Variants in CSMD1 observed in about 807,000 individuals in gnomAD.
The protein encoded by CSMD1 is CUB and sushi domain-containing protein 1.
CSMD1 carries 213 observed loss-of-function variants against 417.5 expected under a neutral mutation model. The observed-to-expected ratio is 0.51, with a 90% CI of 0.46 to 0.57. CSMD1 has a LOEUF of 0.57. Among genes scored for constraint, CSMD1 ranks in the 20% least tolerant of loss-of-function variants. CSMD1 has a pLI of 0.00. For missense variants in CSMD1, 6,923 were observed against 4,529.7 expected (o/e 1.53, Z -15.17); for synonymous variants, 2,862 against 1,736.8 (o/e 1.65, Z -16.11).
At chr8:4,171,532 CT>C (rs1399607751) in intron 3 of CSMD1, among the ~76,000 whole-genome samples, 1 of 151,776 alleles carries the variant, frequency 6.6e-6, no homozygotes, top group Non-Finnish European at 1.5e-5. Context: ...TTAGTTGACA[CT>C]TAACAAATGT....
intron 3 of CSMD1, among the ~76,000 whole-genome samples, chr8:4,092,794 T>G (rs1401121270): frequency 6.6e-6 from 1 of 152,130 alleles, no homozygotes; most frequent in African/African-American, 2.4e-5. Flanking sequence ...ATGAAATCTA[T>G]TTTTTAATAG....
chr8:3,793,415 A>G (rs1488379722), intron 5 of CSMD1, among the ~76,000 whole-genome samples: 3 of 152,034 alleles, frequency 2.0e-5, no homozygotes, highest in African/African-American at 7.2e-5. Flanking sequence ...TACTTTCAAG[A>G]ATGTTGCCAC....
At chr8:4,740,808 T>A (rs1489127305) in intron 1 of CSMD1, among the ~76,000 whole-genome samples, 1 of 152,192 alleles carries the variant, frequency 6.6e-6, no homozygotes, top group South Asian at 2.1e-4. Context: ...AGGTATAGGA[T>A]ATCCTACTGA....
chr8:4,678,281 C>T (rs891932603), intron 1 of CSMD1, among the ~76,000 whole-genome samples: 5 of 151,828 alleles, frequency 3.3e-5, no homozygotes, highest in South Asian at 2.1e-4. Context: ...TGTGGTGGCA[C>T]GCACCTGTAG....
At chr8:4,046,570 G>T (rs1798158137) in intron 3 of CSMD1, among the ~76,000 whole-genome samples, 1 of 152,134 alleles carries the variant, frequency 6.6e-6, no homozygotes, top group Non-Finnish European at 1.5e-5. Context: ...GGGCTTCCAG[G>T]TATTTTTCTT....
intron 6 of CSMD1, among the ~76,000 whole-genome samples, chr8:3,736,973 T>C (rs1017167839): frequency 2.0e-5 from 3 of 152,304 alleles, no homozygotes; most frequent in Middle Eastern, 3.4e-3. Context: ...CCTCCTGTCA[T>C]TTCCTCCCAG....
chr8:2,955,110 C>T (rs1048309423), intron 64 of CSMD1, among the ~76,000 whole-genome samples: 1 of 152,132 alleles, frequency 6.6e-6, no homozygotes, highest in Non-Finnish European at 1.5e-5. Context: ...TTTTAAAAAG[C>T]AGAATCAATG....
intron 2 of CSMD1, among the ~76,000 whole-genome samples, chr8:4,452,919 A>G (rs1007294459): frequency 6.6e-5 from 10 of 152,212 alleles, no homozygotes; most frequent in African/African-American, 2.4e-4. Flanking sequence ...CACAGTGGTA[A>G]CAGCCTTTTT....
At chr8:3,089,700 T>C (rs909053067) in intron 48 of CSMD1, among the ~76,000 whole-genome samples, 1 of 152,140 alleles carries the variant, frequency 6.6e-6, no homozygotes, top group Non-Finnish European at 1.5e-5. Context: ...GTGAGATAGA[T>C]AAAGAATTTT....
At chr8:3,822,221 A>G (rs1053605616) in intron 5 of CSMD1, among the ~76,000 whole-genome samples, 4 of 152,162 alleles carry the variant, frequency 2.6e-5, no homozygotes, top group Non-Finnish European at 5.9e-5. Context: ...ACACTCTGCC[A>G]TGTGCCTGCT....
At chr8:4,716,047 A>C (rs1808633083) in intron 1 of CSMD1, among the ~76,000 whole-genome samples, 1 of 152,226 alleles carries the variant, frequency 6.6e-6, no homozygotes, top group African/African-American at 2.4e-5. Context: ...AACCAATAGT[A>C]AGGGAGCTGA....
chr8:4,434,727 T>C (rs187457692), intron 2 of CSMD1, among the ~76,000 whole-genome samples: 1 of 152,086 alleles, frequency 6.6e-6, no homozygotes, highest in African/African-American at 2.4e-5. Flanking sequence ...ACAGTGCTCA[T>C]CCGGTGATTT....
chr8:4,091,031 G>A (rs1037878797), intron 3 of CSMD1, among the ~76,000 whole-genome samples: 4 of 151,506 alleles, frequency 2.6e-5, no homozygotes, highest in East Asian at 1.9e-4. Flanking sequence ...TGATTCTCCT[G>A]TCTCAGCCTC....
intron 1 of CSMD1, among the ~76,000 whole-genome samples, chr8:4,713,367 CT>C: frequency 7.1e-6 from 1 of 141,520 alleles, no homozygotes; most frequent in East Asian, 2.1e-4. Flanking sequence ...TATTAGTCAG[CT>C]TTGTGTTTTT....
chr8:4,471,545 C>G (rs1800531517), intron 2 of CSMD1, among the ~76,000 whole-genome samples: 1 of 152,028 alleles, frequency 6.6e-6, no homozygotes, highest in Non-Finnish European at 1.5e-5. Flanking sequence ...GAATTAGAAC[C>G]AGTGCATGGT....
At position 2,957,863 on chromosome 8, in the gene CSMD1, A is replaced by G. The variant is rs1395467636; in HGVS notation, c.9703-56T>C. The G allele has an allele frequency of 3.4e-6, 4 of 1,192,488 alleles. No homozygotes were observed. In the African/African-American group the frequency reaches 6.1e-5, roughly 18 times the overall value. 73.9% of individuals were successfully genotyped at this position (1,192,488 alleles called of 1,614,324 possible). A position where few individuals can be genotyped will look rare whatever the true frequency, so the allele number is the denominator to read the frequency against. On this transcript the variant is annotated intron_variant, in intron 62 of 69. Coordinates refer to ENST00000635120, the MANE Select transcript of CSMD1 (RefSeq NM_033225.6). ...GGCCAAGGGAATATACGAAGTGTCA[A>G]CTAGTGATACCTGAAAGTACACGCC... is the stretch of plus-strand genomic sequence containing the variant.
chr8:4,193,379 T>A (rs1431681222), intron 3 of CSMD1, among the ~76,000 whole-genome samples: 10 of 152,132 alleles, frequency 6.6e-5, no homozygotes, highest in African/African-American at 2.4e-4. Flanking sequence ...ATGTACTGAG[T>A]ATCAAAATGA....
chr8:3,129,954 C>T (rs529267298), intron 41 of CSMD1, among the ~76,000 whole-genome samples: 1 of 151,542 alleles, frequency 6.6e-6, no homozygotes, highest in Admixed American at 6.6e-5. Context: ...GCACTCCAGC[C>T]TAAATAACAG....
chr8:4,493,104 T>C (rs1301547626), intron 2 of CSMD1, among the ~76,000 whole-genome samples: 3 of 152,186 alleles, frequency 2.0e-5, no homozygotes, highest in Non-Finnish European at 2.9e-5. Flanking sequence ...GAACCATCTG[T>C]ATTCTGGAAG....
Sources: allele counts gnomAD v4.1 joint callset (sites outside exome capture counted in the v4.1 genomes callset), GRCh38; gene constraint gnomAD v4.1.1; transcripts MANE v1.5; gene names NCBI Gene and HGNC (gene_info 2026-07-23, HGNC 2026-07-21).